The following RASGRF2 variants were observed in gnomAD, a reference collection of about 807,000 sequenced individuals.
RASGRF2 encodes the protein Ras protein specific guanine nucleotide releasing factor 2, also known as ras-specific guanine nucleotide-releasing factor 2.
In RASGRF2, 76 loss-of-function variants were observed where a neutral mutation model predicts 151.0. The observed-to-expected ratio is 0.50, with a 90% confidence interval of 0.42 to 0.61. The LOEUF (loss-of-function observed/expected upper bound fraction) is 0.61. Among genes scored for constraint, RASGRF2 ranks in the 20% least tolerant of loss-of-function variants. RASGRF2 has a pLI of 0.00. For synonymous variants in RASGRF2, 504 were observed against 566.5 expected (o/e 0.89, Z 1.57); for missense variants, 1,148 against 1,564.6 (o/e 0.73, Z 4.49).
At chr5:81,187,300 T>C (rs1427961023) in intron 18 of RASGRF2, among the ~76,000 whole-genome samples, 1 of 152,254 alleles carries the variant, frequency 6.6e-6, no homozygotes, top group Non-Finnish European at 1.5e-5. Flanking sequence ...GCTGGAGTTT[T>C]AATGTTATTG....
At chr5:81,174,887 A>G (rs1475009402) in intron 17 of RASGRF2, among the ~76,000 whole-genome samples, 4 of 152,346 alleles carry the variant, frequency 2.6e-5, no homozygotes, top group Non-Finnish European at 1.5e-5. Flanking sequence ...TTCAAAATTT[A>G]GAAGAGAGAT....
chr5:81,010,657 A>G (rs1749429020), intron 1 of RASGRF2, among the ~76,000 whole-genome samples: 2 of 152,202 alleles, frequency 1.3e-5, no homozygotes, highest in South Asian at 2.1e-4. Context: ...ATTTTCTTCT[A>G]AAAGTCTGAC....
chr5:81,108,256 C>G lies in RASGRF2; in HGVS notation c.1756-740C>G, dbSNP rs549248170. ...TGTATAAGTCAAAATAAATTCTTCT[C>G]TAACCCAAAATAATTACAGAGAGAA... On this transcript the variant is annotated intron_variant, in intron 12 of 26. Coordinates refer to ENST00000265080, the MANE Select transcript of RASGRF2 (RefSeq NM_006909.3). Among the ~76,000 whole-genome samples the G allele has an allele frequency of 8.3e-4, 127 of 152,306 alleles. 1 individual carries two copies. The Middle Eastern group carries it at 0.01, about 12-fold the overall frequency.
At chr5:81,095,875 T>C (rs1752534292) in intron 12 of RASGRF2, among the ~76,000 whole-genome samples, 1 of 152,202 alleles carries the variant, frequency 6.6e-6, no homozygotes, top group African/African-American at 2.4e-5. Context: ...AGAAAATGAA[T>C]GTCAATAGTA....
chr5:81,066,390 A>C (rs1751603350), intron 2 of RASGRF2, among the ~76,000 whole-genome samples: 1 of 152,232 alleles, frequency 6.6e-6, no homozygotes, highest in Admixed American at 6.5e-5. Context: ...TTGTGATTTT[A>C]GAAGTGTCTT....
intron 12 of RASGRF2, 29 bp downstream of exon 12, chr5:81,095,021 GT>G (rs1355867687): frequency 9.4e-6 from 13 of 1,379,682 alleles, no homozygotes; most frequent in African/African-American, 3.0e-5. Flanking sequence ...CCAAATTTTT[GT>G]TTTTTAAATT....
chr5:81,143,088 A>G (rs372171839), intron 17 of RASGRF2, among the ~76,000 whole-genome samples: 28 of 152,356 alleles, frequency 1.8e-4, no homozygotes, highest in African/African-American at 6.0e-4. Context: ...CCAATTAGAA[A>G]GACAAAAGCT....
At chr5:81,171,881 C>G (rs1406446958) in intron 17 of RASGRF2, among the ~76,000 whole-genome samples, 1 of 152,192 alleles carries the variant, frequency 6.6e-6, no homozygotes, top group African/African-American at 2.4e-5. Flanking sequence ...GCAGAAGTCA[C>G]CTTCCGCCTT....
At chr5:80,967,042 A>C (rs182115692) in intron 1 of RASGRF2, among the ~76,000 whole-genome samples, 2 of 152,330 alleles carry the variant, frequency 1.3e-5, no homozygotes, top group East Asian at 3.9e-4. Context: ...TTTAATTCTC[A>C]TAAGATCTGA....
At chr5:81,062,303 T>C (rs1454755247) in intron 2 of RASGRF2, among the ~76,000 whole-genome samples, 1 of 152,206 alleles carries the variant, frequency 6.6e-6, no homozygotes, top group Non-Finnish European at 1.5e-5. Flanking sequence ...GTCCCTGTCT[T>C]TTGCCCGCTC....
chr5:81,014,913 ATTAT>A (rs1290446847), intron 1 of RASGRF2, among the ~76,000 whole-genome samples: 3 of 152,076 alleles, frequency 2.0e-5, no homozygotes, highest in Admixed American at 6.5e-5. Flanking sequence ...AAAAATGAGA[ATTAT>A]TTATTTATGT....
chr5:81,012,127 C>G (rs1363405673), intron 1 of RASGRF2, among the ~76,000 whole-genome samples: 1 of 152,182 alleles, frequency 6.6e-6, no homozygotes, highest in Non-Finnish European at 1.5e-5. Context: ...AAGAGTAGTA[C>G]AAAGAACTTG....
chr5:81,187,969 T>G (rs1306807825), intron 18 of RASGRF2, among the ~76,000 whole-genome samples: 1 of 152,134 alleles, frequency 6.6e-6, no homozygotes, highest in Non-Finnish European at 1.5e-5. Flanking sequence ...GAAATGGAGG[T>G]TGGGCTAGGA....
chr5:81,127,363 A>C (rs1753485959), intron 17 of RASGRF2, among the ~76,000 whole-genome samples, 200 bp downstream of exon 17: 1 of 152,062 alleles, frequency 6.6e-6, no homozygotes, highest in Non-Finnish European at 1.5e-5. Context: ...CTCTATAAAA[A>C]ATTTTTAAAA....
At chr5:81,092,091 T>A (rs572729131) in intron 9 of RASGRF2, among the ~76,000 whole-genome samples, 1 of 152,120 alleles carries the variant, frequency 6.6e-6, no homozygotes, top group Admixed American at 6.5e-5. Context: ...AAGGTAATGT[T>A]GGTATTATAA....
chr5:81,006,793 A>G (rs1268243857), intron 1 of RASGRF2, among the ~76,000 whole-genome samples: 1 of 152,154 alleles, frequency 6.6e-6, no homozygotes, highest in East Asian at 1.9e-4. Context: ...GAAGAAAACA[A>G]TTACTTCTGG....
intron 1 of RASGRF2, among the ~76,000 whole-genome samples, chr5:80,969,014 T>A (rs1561530715): frequency 6.6e-6 from 1 of 151,930 alleles, no homozygotes; most frequent in African/African-American, 2.4e-5. Flanking sequence ...GATCATGGTG[T>A]AAAGTGTTTT....
At chr5:81,055,717 C>G (rs976972883) in intron 2 of RASGRF2, among the ~76,000 whole-genome samples, 1 of 152,146 alleles carries the variant, frequency 6.6e-6, no homozygotes, top group African/African-American at 2.4e-5. Flanking sequence ...ACCAGCTCCT[C>G]TTTGTACCTC....
chr5:81,058,458 C>T (rs1407603591), intron 2 of RASGRF2, among the ~76,000 whole-genome samples: 4 of 152,252 alleles, frequency 2.6e-5, no homozygotes, highest in South Asian at 2.1e-4. Flanking sequence ...AGCAGACATC[C>T]ATTTACTAGT....
Sources: gnomAD v4.1 joint callset for allele counts (sites outside exome capture counted in the v4.1 genomes callset) on GRCh38, gnomAD v4.1.1 for gene constraint, MANE v1.5 for transcripts, NCBI Gene and HGNC (gene_info 2026-07-23, HGNC 2026-07-21) for gene names.